PDE8B: variants seen among roughly 807,000 people sequenced by gnomAD.
The protein encoded by PDE8B is high affinity cAMP-specific and IBMX-insensitive 3',5'-cyclic phosphodiesterase 8B.
A neutral mutation model predicts 101.3 loss-of-function variants in PDE8B; 26 were observed. The observed-to-expected ratio is 0.26, with a 90% CI of 0.19 to 0.36. The LOEUF is 0.36. PDE8B is among the 10% of genes least tolerant of loss of function. PDE8B has a pLI of 1.00. For synonymous variants in PDE8B, 424 were observed against 429.3 expected, an observed-to-expected ratio of 0.99 and a Z score of 0.15; for missense variants, 810 against 1,163.1, an observed-to-expected ratio of 0.70 and a Z score of 4.42.
chr5:77,344,414 C>T (rs528271336), intron 6 of PDE8B, among the ~76,000 whole-genome samples: 8 of 152,298 alleles, frequency 5.3e-5, no homozygotes, highest in African/African-American at 1.9e-4. Context: ...ATTACTGTAT[C>T]TTAAATTGAG....
At chr5:77,367,019 A>G in intron 10 of PDE8B, among the ~76,000 whole-genome samples, 1 of 152,040 alleles carries the variant, frequency 6.6e-6, no homozygotes, top group East Asian at 1.9e-4. Context: ...GGGCCTCTCA[A>G]CTCATTAGCT....
the PDE8B span, chr5:77,145,637 G>A: frequency 2.0e-5 from 3 of 152,194 alleles, no homozygotes; most frequent in African/African-American, 7.2e-5. Flanking sequence ...GGAACTCAAG[G>A]TAGAAGGGGG....
At chr5:77,226,947 C>G (rs970495269) in intron 1 of PDE8B, among the ~76,000 whole-genome samples, 1 of 152,142 alleles carries the variant, frequency 6.6e-6, no homozygotes, top group Non-Finnish European at 1.5e-5. Context: ...ATAGTGGCTG[C>G]CTTTTCATCT....
At chr5:77,139,524 C>T in the PDE8B span, 1 of 152,232 alleles carries the variant, frequency 6.6e-6, no homozygotes, top group East Asian at 1.9e-4. Flanking sequence ...AATTCTCGGT[C>T]ACTGTCACTT....
chr5:77,097,732 T>TATATATATATATATAC, the PDE8B span, among the ~76,000 whole-genome samples: 267 of 65,032 alleles, frequency 4.1e-3, 5 homozygotes, highest in African/African-American at 0.01. Context: ...TATATATATA[T>TATATATATATATATAC]ACATACATAT....
chr5:77,176,178 A>C, the PDE8B span, among the ~76,000 whole-genome samples: 1 of 152,180 alleles, frequency 6.6e-6, no homozygotes, highest in African/African-American at 2.4e-5. Flanking sequence ...ACTAGCCACC[A>C]GCCACGCGAA....
At chr5:77,356,366 C>G (rs1782110205) in intron 10 of PDE8B, among the ~76,000 whole-genome samples, 1 of 152,124 alleles carries the variant, frequency 6.6e-6, no homozygotes, top group Non-Finnish European at 1.5e-5. Flanking sequence ...GTCCAAGAGT[C>G]ATATTGCATA....
At chr5:77,390,722 G>C (rs1472419232) in intron 10 of PDE8B, among the ~76,000 whole-genome samples, 1 of 152,178 alleles carries the variant, frequency 6.6e-6, no homozygotes, top group African/African-American at 2.4e-5. Flanking sequence ...CTAATGCAGG[G>C]GGTGTTTCCT....
intron 1 of PDE8B, among the ~76,000 whole-genome samples, chr5:77,237,890 C>A (rs375223134): frequency 5.4e-4 from 82 of 152,226 alleles, no homozygotes; most frequent in Non-Finnish European, 9.9e-4. Flanking sequence ...AGGTTCCCCC[C>A]ACCCCAGGAC....
At chr5:77,249,707 G>A (rs1299826187) in intron 1 of PDE8B, among the ~76,000 whole-genome samples, 3 of 152,208 alleles carry the variant, frequency 2.0e-5, no homozygotes, top group Non-Finnish European at 4.4e-5. Flanking sequence ...AGGTGTTAGC[G>A]GCATCCTGCC....
intron 10 of PDE8B, among the ~76,000 whole-genome samples, chr5:77,393,736 A>G (rs553336966): frequency 6.6e-6 from 1 of 152,290 alleles, no homozygotes; most frequent in African/African-American, 2.4e-5. Flanking sequence ...TCCCCATTAG[A>G]CTATGCTTGT....
At chr5:77,209,136 A>G (rs1747769507), upstream of PDE8B, among the ~76,000 whole-genome samples, 1 of 152,220 alleles carries the variant, frequency 6.6e-6, no homozygotes. Context: ...TAAAAAATAC[A>G]GCATAGACTT....
intron 8 of PDE8B, among the ~76,000 whole-genome samples, chr5:77,349,992 T>C (rs1780791916): frequency 6.6e-6 from 1 of 152,160 alleles, no homozygotes; most frequent in Non-Finnish European, 1.5e-5. Flanking sequence ...TCAACATACA[T>C]TTGTAGCTTC....
chr5:77,393,369 T>C (rs1790350000), intron 10 of PDE8B, among the ~76,000 whole-genome samples: 1 of 148,984 alleles, frequency 6.7e-6, no homozygotes, highest in South Asian at 2.1e-4. Context: ...CTCTCCAGCC[T>C]GGACGACAGA....
chr5:77,138,033 T>C, the PDE8B span, among the ~76,000 whole-genome samples: 2 of 152,120 alleles, frequency 1.3e-5, no homozygotes, highest in African/African-American at 4.8e-5. Context: ...CTATTAAAAG[T>C]AATACTTAAA....
intron 1 of PDE8B, among the ~76,000 whole-genome samples, chr5:77,259,545 C>CA (rs1043193583): frequency 6.6e-6 from 1 of 152,200 alleles, no homozygotes; most frequent in Non-Finnish European, 1.5e-5. Flanking sequence ...CCAGCAAGCA[C>CA]ATTGCTCCCT....
intron 1 of PDE8B, among the ~76,000 whole-genome samples, chr5:77,217,998 C>T (rs1392157515): frequency 3.3e-5 from 5 of 152,154 alleles, no homozygotes; most frequent in Admixed American, 3.3e-4. Flanking sequence ...TCATCCCCTC[C>T]TTTCCCCCTC....
intron 1 of PDE8B, among the ~76,000 whole-genome samples, chr5:77,264,080 T>C (rs998410870): frequency 2.0e-5 from 3 of 152,224 alleles, no homozygotes; most frequent in Non-Finnish European, 4.4e-5. Flanking sequence ...AGCGTAGTGT[T>C]TTAAAGGTTC....
intron 1 of PDE8B, among the ~76,000 whole-genome samples, chr5:77,224,223 T>A (rs1302010215): frequency 2.0e-5 from 3 of 152,116 alleles, no homozygotes; most frequent in Non-Finnish European, 4.4e-5. Flanking sequence ...CCTCATAGAG[T>A]TACTGCAAGG....
Sources: allele counts gnomAD v4.1 joint callset (sites outside exome capture counted in the v4.1 genomes callset), GRCh38; gene constraint gnomAD v4.1.1; transcripts MANE v1.5; gene names NCBI Gene and HGNC (gene_info 2026-07-23, HGNC 2026-07-21).